The following MYO16 variants were observed in gnomAD, a reference collection of about 807,000 sequenced individuals.
MYO16 encodes myosin XVI, also known as unconventional myosin-XVI.
MYO16 carries 94 observed loss-of-function variants against 205.3 expected under a neutral mutation model. The ratio of observed to expected loss-of-function variants is 0.46; its 90% CI spans 0.39 to 0.54. The LOEUF (loss-of-function observed/expected upper bound fraction) is 0.54. Among genes scored for constraint, MYO16 ranks in the 20% least tolerant of loss-of-function variants. The pLI is 0.00. For missense variants in MYO16, 2,315 were observed against 2,387.5 expected (o/e 0.97, Z 0.63); for synonymous variants, 988 against 954.0 (o/e 1.04, Z -0.66).
At chr13:108,982,216 A>G (rs1224294078) in intron 20 of MYO16, among the ~76,000 whole-genome samples, 1 of 152,226 alleles carries the variant, frequency 6.6e-6, no homozygotes, top group Non-Finnish European at 1.5e-5. Flanking sequence ...ATTTTGCTCA[A>G]TGAGTAGATT....
intron 4 of MYO16, among the ~76,000 whole-genome samples, chr13:108,783,452 G>A (rs1231036574): frequency 6.6e-6 from 1 of 152,178 alleles, no homozygotes; most frequent in East Asian, 1.9e-4. Context: ...GAAGGGACTT[G>A]CCTTGTCTCA....
intron 4 of MYO16, among the ~76,000 whole-genome samples, chr13:108,743,521 C>T (rs936437420): frequency 6.6e-6 from 1 of 152,166 alleles, no homozygotes; most frequent in Non-Finnish European, 1.5e-5. Context: ...GAAATATTAG[C>T]CAATGTATAG....
At position 108,961,546 on chromosome 13, in the gene MYO16, A is replaced by C. The variant is rs1396428142; in HGVS notation, c.2045A>C (p.Glu682Ala). 1 of 1,613,414 alleles carries C rather than the reference A, an allele frequency of 6.2e-7. No homozygotes were observed. The highest frequency in any genetic ancestry group is 8.5e-7 in the Non-Finnish European group (1 of 1,179,450). Residue 682 changes from glutamate (E) to alanine (A), a missense_variant, in exon 18 of 35, where the codon GAG (glutamate) becomes GCG (alanine). Physicochemically the swap from Glu to Ala is moderately radical, Grantham distance 107. Around this residue, in one of 3 missense-constraint regions of MYO16, gnomAD observed 1,213 missense variants for 1,274.4 expected, o/e 0.95. Transcript: ENST00000457511. ...NVVGFSSLEV[E>A]NLFVILAAIL... The stretch of plus-strand genomic sequence containing the variant: ...TGTTTGTAAAATGCATAGGAGGTGG[A>C]GAATCTGTTCGTAATTCTAGCAGCA...
intron 33 of MYO16, among the ~76,000 whole-genome samples, chr13:109,173,665 G>A (rs1879011487): frequency 6.6e-6 from 1 of 152,064 alleles, no homozygotes; most frequent in Non-Finnish European, 1.5e-5. Flanking sequence ...GGAGGCTGAG[G>A]CAGGCGGATT....
intron 19 of MYO16, 94 bp from the exon 20 acceptor site, chr13:108,964,667 T>A (rs1485371729): frequency 7.9e-7 from 1 of 1,267,194 alleles, no homozygotes; most frequent in Non-Finnish European, 1.1e-6. Context: ...GTCTTGTGGA[T>A]GTGTGGGGAA....
chr13:108,668,963 C>T (rs1292921705), intron 2 of MYO16, among the ~76,000 whole-genome samples: 2 of 151,962 alleles, frequency 1.3e-5, no homozygotes, highest in Non-Finnish European at 1.5e-5. Context: ...GAATGAAATG[C>T]CATTAGCCAC....
intron 21 of MYO16, among the ~76,000 whole-genome samples, chr13:109,003,451 C>T (rs1885283396): frequency 6.6e-6 from 1 of 152,184 alleles, no homozygotes; most frequent in Admixed American, 6.5e-5. Flanking sequence ...AGCAGAGACG[C>T]TGTAGGTTTT....
intron 31 of MYO16, among the ~76,000 whole-genome samples, chr13:109,135,212 A>G (rs1876717924): frequency 6.6e-6 from 1 of 152,232 alleles, no homozygotes; most frequent in Non-Finnish European, 1.5e-5. Context: ...AGATCAGGCG[A>G]CACACAGTGG....
intron 12 of MYO16, among the ~76,000 whole-genome samples, chr13:108,882,296 T>C (rs1172887037): frequency 3.3e-5 from 5 of 152,154 alleles, no homozygotes; most frequent in African/African-American, 1.2e-4. Context: ...GTAATGCCCA[T>C]AGAGCTAGAG....
At chr13:108,931,501 A>C (rs1361158777) in intron 16 of MYO16, among the ~76,000 whole-genome samples, 3 of 152,178 alleles carry the variant, frequency 2.0e-5, no homozygotes, top group Non-Finnish European at 4.4e-5. Flanking sequence ...ATTTGTAGGC[A>C]CAGGTAGTCC....
At chr13:108,887,474 T>C (rs1879956728) in intron 13 of MYO16, among the ~76,000 whole-genome samples, 1 of 152,218 alleles carries the variant, frequency 6.6e-6, no homozygotes. Flanking sequence ...AATAACTTTA[T>C]TGTAGATCAC....
chr13:108,926,833 C>T (rs2139279597), intron 16 of MYO16, among the ~76,000 whole-genome samples: 1 of 152,244 alleles, frequency 6.6e-6, no homozygotes, highest in South Asian at 2.1e-4. Flanking sequence ...ATCAATGCTC[C>T]TTTTGAATAG....
chr13:108,767,465 G>A (rs996660573), intron 4 of MYO16, among the ~76,000 whole-genome samples: 4 of 149,862 alleles, frequency 2.7e-5, no homozygotes, highest in Non-Finnish European at 4.4e-5. Flanking sequence ...TCAGGACATG[G>A]TACATTTTTT....
At chr13:108,888,549 A>T (rs1880010744) in intron 14 of MYO16, 72 bp downstream of exon 14, 1 of 1,062,670 alleles carries the variant, frequency 9.4e-7, no homozygotes, top group Admixed American at 2.3e-5. Context: ...CAAATAGGGG[A>T]GGGGACATCA....
chr13:108,508,795 A>G, the MYO16 span, among the ~76,000 whole-genome samples: 7 of 152,036 alleles, frequency 4.6e-5, no homozygotes, highest in African/African-American at 1.4e-4. Flanking sequence ...CAGCTTCTTC[A>G]TTGGTTTCTG....
chr13:108,577,448 CACAGCG>C, the MYO16 span, among the ~76,000 whole-genome samples: 2 of 152,204 alleles, frequency 1.3e-5, no homozygotes, highest in Non-Finnish European at 2.9e-5. Flanking sequence ...CGGGCACCAG[CACAGCG>C]TGGTCTAGTT....
At chr13:108,584,585 T>A in the MYO16 span, among the ~76,000 whole-genome samples, 1 of 152,322 alleles carries the variant, frequency 6.6e-6, no homozygotes, top group African/African-American at 2.4e-5. Context: ...CATCTTGCTG[T>A]GTGTTTGTGC....
At chr13:108,754,514 G>T (rs989456033) in intron 4 of MYO16, among the ~76,000 whole-genome samples, 14 of 104,952 alleles carry the variant, frequency 1.3e-4, no homozygotes, top group Non-Finnish European at 3.1e-4. Context: ...ACAGGTTTTG[G>T]CGTGTGTGTG....
chr13:108,815,916 T>C (rs973544365), intron 7 of MYO16, among the ~76,000 whole-genome samples: 6 of 152,192 alleles, frequency 3.9e-5, no homozygotes, highest in African/African-American at 1.4e-4. Flanking sequence ...GCTATAAATC[T>C]ATACACATAA....
Sources: gnomAD v4.1 joint callset for allele counts (sites outside exome capture counted in the v4.1 genomes callset) on GRCh38, gnomAD v4.1.1 for gene constraint, gnomAD v4.1.1 regional missense constraint, MANE v1.5 for transcripts, NCBI Gene and HGNC (gene_info 2026-07-23, HGNC 2026-07-21) for gene names.